NCALD: variants seen among roughly 807,000 people sequenced by gnomAD.
NCALD encodes the protein neurocalcin-delta.
Under a neutral mutation model 18.6 loss-of-function variants are expected in NCALD, and 10 were observed. That is an observed-to-expected ratio of 0.54 (90% CI 0.33 to 0.91). The LOEUF is 0.91. Ranked by LOEUF, NCALD falls within the 40% of genes least tolerant of loss-of-function variation. The pLI is 0.03. For synonymous variants in NCALD, 88 were observed against 87.4 expected, an observed-to-expected ratio of 1.01 and a Z score of -0.04; for missense variants, 184 against 247.6, an observed-to-expected ratio of 0.74 and a Z score of 1.72.
chr8:101,692,672 G>A, intron 3 of NCALD, 119 bp downstream of exon 3: 1 of 1,390,948 alleles, frequency 7.2e-7, no homozygotes, highest in Admixed American at 2.3e-5. Flanking sequence ...ACCCACCCAG[G>A]AGGCTTGGAG....
chr8:101,946,696 T>C (rs191716365), intron 2 of NCALD, among the ~76,000 whole-genome samples: 3 of 151,306 alleles, frequency 2.0e-5, no homozygotes, highest in Non-Finnish European at 4.4e-5. Context: ...GAAAAGTTTA[T>C]GGGGACAATG....
chr8:101,867,377 T>TC (rs2131389864), intron 4 of NCALD, among the ~76,000 whole-genome samples: 1 of 152,266 alleles, frequency 6.6e-6, no homozygotes, highest in Non-Finnish European at 1.5e-5. Context: ...TTCACCGCTT[T>TC]CCCCCCAGGA....
intron 2 of NCALD, among the ~76,000 whole-genome samples, chr8:101,962,867 T>C (rs1478603545): frequency 6.6e-6 from 1 of 152,204 alleles, no homozygotes; most frequent in Non-Finnish European, 1.5e-5. Flanking sequence ...GCTTATAATT[T>C]ATTTTTTCTT....
At chr8:101,970,018 G>A (rs1042341287) in intron 2 of NCALD, among the ~76,000 whole-genome samples, 1 of 152,084 alleles carries the variant, frequency 6.6e-6, no homozygotes, top group Non-Finnish European at 1.5e-5. Context: ...TGCTCTCAGA[G>A]TAATACTACA....
At chr8:102,095,077 C>T (rs1587070531) in intron 1 of NCALD, among the ~76,000 whole-genome samples, 1 of 152,230 alleles carries the variant, frequency 6.6e-6, no homozygotes, top group Admixed American at 6.5e-5. Flanking sequence ...GAAAAGTTAG[C>T]TTGGACTTCA....
rs1233629115 is a variant in NCALD, at chr8:101,979,972, CAGG to C, written c.-157+40262_-157+40264del. Among the ~76,000 whole-genome samples the C allele has an allele frequency of 3.3e-5, 5 of 152,194 alleles. 1 individual carries two copies. The highest frequency in any genetic ancestry group is 2.6e-4 in the Admixed American group (4 of 15,290). On this transcript the variant is annotated intron_variant, in intron 2 of 6. Transcript: ENST00000311028. ...CTGAGGGGCCTCATGAGCTCACTCACAGGAGGATAGGGTGGTGGTGGTCCTGTG... is the reference window on the plus strand; with the variant it reads ...CTGAGGGGCCTCATGAGCTCACTCACAGGATAGGGTGGTGGTGGTCCTGTG...
At chr8:102,081,554 A>AC (rs769039817) in intron 1 of NCALD, among the ~76,000 whole-genome samples, 13,276 of 115,414 alleles carry the variant, frequency 0.12, 1,785 homozygotes, top group African/African-American at 0.33. Flanking sequence ...GTAAAAAAAA[A>AC]AAAAAAAAAA....
At position 101,692,839 on chromosome 8, in the gene NCALD, C is replaced by A; in HGVS notation, c.436G>T (p.Glu146Ter). Residue 146 changes from glutamate (E) to a stop codon, truncating the protein, a stop_gained, in exon 3 of 4, where the codon GAG becomes TAG. Coordinates refer to ENST00000220931, the MANE Select transcript of NCALD (RefSeq NM_032041.3). LOFTEE classifies it high-confidence loss of function. ...CGGAAGATCTTTTCTGTTCTTTTCT[C>A]TGGGGTTGACTCATCTTCAGGCATT... is the stretch of plus-strand genomic sequence containing the variant. ...MKMPEDESTPEKRTEKIFRQM... is the reference protein window; with the variant it reads ...MKMPEDESTP 6.2e-7 allele frequency: 1 copy of A among 1,614,006 alleles called. No homozygotes were observed. The highest frequency in any genetic ancestry group is 8.5e-7 in the Non-Finnish European group (1 of 1,179,912).
chr8:101,737,449 C>T (rs1157863526), intron 1 of NCALD, among the ~76,000 whole-genome samples: 3 of 152,164 alleles, frequency 2.0e-5, no homozygotes, highest in Non-Finnish European at 2.9e-5. Flanking sequence ...AAAAATCTTC[C>T]ACGGTTCCCT....
chr8:101,702,201 T>C (rs191572866), intron 2 of NCALD, among the ~76,000 whole-genome samples: 5 of 152,094 alleles, frequency 3.3e-5, no homozygotes, highest in Non-Finnish European at 7.4e-5. Context: ...TGAACCACTT[T>C]GTGTACTGGT....
intron 2 of NCALD, among the ~76,000 whole-genome samples, chr8:101,940,409 T>G (rs1453598522): frequency 6.6e-6 from 1 of 152,198 alleles, no homozygotes; most frequent in East Asian, 1.9e-4. Flanking sequence ...AGAGGAAATG[T>G]GTATGGAAGC....
chr8:102,086,114 T>G (rs1824729335), intron 1 of NCALD, among the ~76,000 whole-genome samples: 1 of 152,192 alleles, frequency 6.6e-6, no homozygotes, highest in Non-Finnish European at 1.5e-5. Context: ...TTTCTCAAAT[T>G]CTAAATTTGA....
intron 1 of NCALD, among the ~76,000 whole-genome samples, chr8:102,074,203 T>C (rs1163706115): frequency 2.0e-5 from 3 of 152,188 alleles, no homozygotes; most frequent in Non-Finnish European, 4.4e-5. Flanking sequence ...AGCTAGTCTA[T>C]GGGAAAAAAT....
chr8:101,930,589 C>T (rs1263360899), intron 2 of NCALD, among the ~76,000 whole-genome samples: 1 of 151,820 alleles, frequency 6.6e-6, no homozygotes, highest in Non-Finnish European at 1.5e-5. Flanking sequence ...AAATGGCAAG[C>T]AGGAGAAGGC....
intron 2 of NCALD, among the ~76,000 whole-genome samples, chr8:102,018,391 A>G (rs1822160914): frequency 6.6e-6 from 1 of 152,210 alleles, no homozygotes; most frequent in Admixed American, 6.5e-5. Context: ...ATACCACACA[A>G]TGGAATTCTT....
intron 2 of NCALD, among the ~76,000 whole-genome samples, chr8:101,971,555 T>G (rs1820242107): frequency 1.3e-5 from 2 of 152,162 alleles, no homozygotes; most frequent in South Asian, 4.2e-4. Context: ...TTTGCTTCTC[T>G]CTCATCTTCC....
At chr8:101,928,652 T>C (rs2131687489) in intron 2 of NCALD, among the ~76,000 whole-genome samples, 1 of 152,184 alleles carries the variant, frequency 6.6e-6, no homozygotes, top group African/African-American at 2.4e-5. Flanking sequence ...TTCTCTTCAT[T>C]AACTTTCAGG....
intron 2 of NCALD, among the ~76,000 whole-genome samples, chr8:101,978,913 T>C (rs2131930726): frequency 6.6e-6 from 1 of 152,350 alleles, no homozygotes; most frequent in Non-Finnish European, 1.5e-5. Context: ...AATACATAAC[T>C]GTCTGAAGCT....
chr8:102,005,131 T>C (rs1821649507), intron 2 of NCALD, among the ~76,000 whole-genome samples: 1 of 152,130 alleles, frequency 6.6e-6, no homozygotes, highest in Admixed American at 6.5e-5. Context: ...AATCTACTCA[T>C]CTGACAAAGG....
Sources: gnomAD v4.1 joint callset for allele counts (sites outside exome capture counted in the v4.1 genomes callset) on GRCh38, gnomAD v4.1.1 for gene constraint, MANE v1.5 for transcripts, NCBI Gene and HGNC (gene_info 2026-07-23, HGNC 2026-07-21) for gene names.